The following STX8 variants were observed in gnomAD, a reference collection of about 807,000 sequenced individuals.
STX8 encodes syntaxin 8.
Under a neutral mutation model 37.5 loss-of-function variants are expected in STX8, and 23 were observed. That is an observed-to-expected ratio of 0.61 (90% CI 0.44 to 0.87). The LOEUF is 0.87. STX8 is among the 40% of genes least tolerant of loss of function. STX8 has a pLI of 0.00. For missense variants in STX8, 313 were observed against 284.7 expected (o/e 1.10, Z -0.71); for synonymous variants, 115 against 99.1 (o/e 1.16, Z -0.95).
At chr17:9,276,138 T>G (rs1907669109) in intron 7 of STX8, among the ~76,000 whole-genome samples, 1 of 152,088 alleles carries the variant, frequency 6.6e-6, no homozygotes, top group African/African-American at 2.4e-5. Flanking sequence ...GCCCTGGGCA[T>G]GCAGGGCAAG....
rs373681560 is a variant in STX8, at chr17:9,288,531, A to G, written c.644-37886T>C. Among the ~76,000 whole-genome samples the G allele has an allele frequency of 7.9e-4, 120 of 152,008 alleles. 1 individual carries two copies. Among genetic ancestry groups the G allele is most frequent in the South Asian group, 4.2e-3 (20 of 4,808 alleles). ...AAAAAAATTAGCCGGGCGTGGTGGC[A>G]GGCGCCTGTAGTCCCAGCTACTCGG... is the stretch of plus-strand genomic sequence containing the variant. On this transcript the variant is annotated intron_variant, in intron 7 of 7. Transcript: ENST00000306357.
At chr17:9,316,539 T>A (rs1267009757) in intron 7 of STX8, among the ~76,000 whole-genome samples, 2 of 152,200 alleles carry the variant, frequency 1.3e-5, no homozygotes, top group East Asian at 3.8e-4. Flanking sequence ...TCCAGGCTGC[T>A]GACCATGTGG....
chr17:9,337,050 G>T (rs1030481363), intron 7 of STX8, among the ~76,000 whole-genome samples: 1 of 152,076 alleles, frequency 6.6e-6, no homozygotes, highest in African/African-American at 2.4e-5. Flanking sequence ...AGCTTTACAC[G>T]TCAGAAAAAC....
At chr17:9,293,421 C>T (rs1908391079) in intron 7 of STX8, among the ~76,000 whole-genome samples, 1 of 151,946 alleles carries the variant, frequency 6.6e-6, no homozygotes, top group Non-Finnish European at 1.5e-5. Context: ...TCATCCCCTA[C>T]CTGTAATCAG....
intron 7 of STX8, among the ~76,000 whole-genome samples, chr17:9,375,873 T>G (rs1454293230): frequency 2.6e-5 from 4 of 152,150 alleles, no homozygotes; most frequent in Non-Finnish European, 1.5e-5. Context: ...TAGGCTTTCC[T>G]GAGGTCACGC....
chr17:9,421,167 C>A (rs906178482), intron 6 of STX8, among the ~76,000 whole-genome samples: 3 of 151,850 alleles, frequency 2.0e-5, no homozygotes, highest in Non-Finnish European at 4.4e-5. Context: ...CCGAGGCGGG[C>A]GGATCACCTG....
In STX8 at chr17:9,250,548, G is replaced by C. The variant is rs754363394; in HGVS notation, c.*30C>G. The C allele has an allele frequency of 6.4e-7, 1 of 1,567,418 alleles. No individual in the cohort carries two copies. The highest frequency in any genetic ancestry group is 8.7e-7 in the Non-Finnish European group (1 of 1,153,202). Reference sequence around the variant, plus strand: ...TTGGGCTTGCATCTGTCATTGGCAGGTGTCACTGCTGGTGGTCTCTTTACT... The same window carrying C: ...TTGGGCTTGCATCTGTCATTGGCAGCTGTCACTGCTGGTGGTCTCTTTACT... On this transcript the variant is annotated 3_prime_UTR_variant, in exon 8 of 8. Transcript: ENST00000306357.
intron 7 of STX8, among the ~76,000 whole-genome samples, chr17:9,277,982 A>G (rs568337986): frequency 8.5e-4 from 129 of 152,264 alleles, no homozygotes; most frequent in African/African-American, 3.0e-3. Context: ...GGGAGCGGCA[A>G]TATCTCCTTT....
chr17:9,575,632 G>C (rs1473933356), intron 1 of STX8, among the ~76,000 whole-genome samples, 160 bp downstream of exon 1: 2 of 152,168 alleles, frequency 1.3e-5, no homozygotes, highest in African/African-American at 4.8e-5. Context: ...ACCAAGTGTG[G>C]CGGGATGTGG....
intron 6 of STX8, chr17:9,469,206 GGCACACTGA>G (rs1201575107): frequency 6.6e-6 from 1 of 152,198 alleles, no homozygotes; most frequent in Non-Finnish European, 1.5e-5. Context: ...CTCTCAGGGA[GGCACACTGA>G]GCTACGTGGT....
At position 9,250,482 on chromosome 17, in the gene STX8, G is replaced by A. The variant is rs1597563154; in HGVS notation, c.*96C>T. 1 of 1,167,314 alleles carries A rather than the reference G, an allele frequency of 8.6e-7. No homozygotes were observed. Among genetic ancestry groups the A allele is most frequent in the East Asian group, 2.6e-5 (1 of 38,448 alleles). The allele number at this position is 1,167,314 out of a possible 1,614,324, so 72.3% of individuals were successfully genotyped here. A position where few individuals can be genotyped will look rare whatever the true frequency, so the allele number is the denominator to read the frequency against. On this transcript the variant is annotated 3_prime_UTR_variant, in exon 8 of 8. Coordinates refer to ENST00000306357, the MANE Select transcript of STX8 (RefSeq NM_004853.3). The stretch of plus-strand genomic sequence containing the variant: ...CAATGCACAAGAGGTCAGAGCTTTG[G>A]GGGAATTTATTGAGAGCAGGTTTTG...
At position 9,527,185 on chromosome 17, in the gene STX8, C is replaced by CAAAAA. The variant is rs61665330; in HGVS notation, c.323+17982_323+17986dup. ...TGGGCGACAGAGCGAGACTCCGTCT[C>CAAAAA]AAAAAAAAAAAAAAAAAAGAGGCTG... is the stretch of plus-strand genomic sequence containing the variant. On this transcript the variant is annotated intron_variant, in intron 4 of 7. Coordinates refer to ENST00000306357, the MANE Select transcript of STX8 (RefSeq NM_004853.3). Among the ~76,000 whole-genome samples, 35 of 49,632 alleles carry CAAAAA rather than the reference C, an allele frequency of 7.1e-4. 10 individuals are homozygous for CAAAAA. Among genetic ancestry groups the CAAAAA allele is most frequent in the Admixed American group, 2.6e-3 (7 of 2,686 alleles). 32.6% of individuals were successfully genotyped at this position (49,632 alleles called of 152,430 possible).
intron 3 of STX8, among the ~76,000 whole-genome samples, chr17:9,550,383 T>C (rs1906715620): frequency 6.6e-6 from 1 of 152,034 alleles, no homozygotes; most frequent in Non-Finnish European, 1.5e-5. Flanking sequence ...TCCTTGGCTA[T>C]GCTGATTGTA....
At chr17:9,313,403 A>G (rs947541999) in intron 7 of STX8, among the ~76,000 whole-genome samples, 8 of 152,336 alleles carry the variant, frequency 5.3e-5, no homozygotes, top group African/African-American at 1.9e-4. Context: ...AGAAAACCCA[A>G]CCAAGTTTTG....
At chr17:9,254,010 C>T (rs1597565709) in intron 7 of STX8, among the ~76,000 whole-genome samples, 1 of 152,144 alleles carries the variant, frequency 6.6e-6, no homozygotes, top group East Asian at 1.9e-4. Context: ...TTTCCCCGGT[C>T]CCTGCTCCAC....
chr17:9,560,354 T>C (rs575941940), intron 2 of STX8, among the ~76,000 whole-genome samples: 2 of 128,564 alleles, frequency 1.6e-5, no homozygotes, highest in South Asian at 5.3e-4. Flanking sequence ...GCAAAGATGA[T>C]GCCACTGTAT....
chr17:9,378,532 A>T lies in STX8; in HGVS notation c.643+20T>A, dbSNP rs370147663. Reference sequence around the variant, plus strand: ...CACAAGCTATGACAGAAACAGAGCCATAACGTAGCTATCTCTTACCACAAG... The same window carrying T: ...CACAAGCTATGACAGAAACAGAGCCTTAACGTAGCTATCTCTTACCACAAG... On this transcript the variant is annotated intron_variant, in intron 7 of 7. Coordinates refer to ENST00000306357, the MANE Select transcript of STX8 (RefSeq NM_004853.3). 6.3e-7 allele frequency: 1 copy of T among 1,595,966 alleles called. No individual in the cohort carries two copies. Among genetic ancestry groups the T allele is most frequent in the Non-Finnish European group, 8.6e-7 (1 of 1,163,526 alleles).
intron 1 of STX8, 53 bp downstream of exon 1, chr17:9,575,739 C>T: frequency 6.5e-7 from 1 of 1,543,208 alleles, no homozygotes; most frequent in Non-Finnish European, 8.7e-7. Context: ...TCTCCGGAAG[C>T]CCGGCCTCCC....
intron 7 of STX8, among the ~76,000 whole-genome samples, chr17:9,292,397 A>C (rs1408681891): frequency 6.6e-6 from 1 of 152,224 alleles, no homozygotes. Flanking sequence ...TACAGAGCCC[A>C]GTGGGTTCCC....
Sources: allele counts gnomAD v4.1 joint callset (sites outside exome capture counted in the v4.1 genomes callset), GRCh38; gene constraint gnomAD v4.1.1; transcripts MANE v1.5; gene names NCBI Gene and HGNC (gene_info 2026-07-23, HGNC 2026-07-21).